PCDH9: variants seen among roughly 807,000 people sequenced by gnomAD.
PCDH9 encodes protocadherin-9.
Under a neutral mutation model 70.6 loss-of-function variants are expected in PCDH9, and 24 were observed. The observed-to-expected ratio is 0.34, with a 90% CI of 0.25 to 0.48. The LOEUF (loss-of-function observed/expected upper bound fraction) is 0.48, where lower values mean the gene tolerates loss of function less well. Ranked by LOEUF, PCDH9 falls within the 20% of genes least tolerant of loss-of-function variation. The probability of loss-of-function intolerance (pLI) is 0.99; values close to 1 mark genes in which losing one functional copy is unlikely to be tolerated. For missense variants in PCDH9, 1,281 were observed against 1,503.6 expected, an observed-to-expected ratio of 0.85 and a Z score of 2.45; for synonymous variants, 562 against 558.5, an observed-to-expected ratio of 1.01 and a Z score of -0.09.
intron 3 of PCDH9, among the ~76,000 whole-genome samples, chr13:66,740,813 G>C (rs1474738863): frequency 1.3e-5 from 2 of 148,272 alleles, no homozygotes; most frequent in Non-Finnish European, 3.0e-5. Context: ...TCTCTGAATA[G>C]ACCAATAACA....
intron 4 of PCDH9, among the ~76,000 whole-genome samples, chr13:66,340,775 A>G (rs1302803545): frequency 6.6e-6 from 1 of 152,194 alleles, no homozygotes; most frequent in African/African-American, 2.4e-5. Flanking sequence ...CTGTGTGATG[A>G]TCCAACGTAT....
Position 66,649,054 on chromosome 13 carries a change from T to C in PCDH9, c.3139-17643A>G, listed in dbSNP as rs190064896. 6.6e-5 allele frequency among the ~76,000 whole-genome samples: 10 copies of C among 152,198 alleles called. No individual in the cohort carries two copies. In the East Asian group the frequency reaches 1.6e-3, roughly 24 times the overall value. On this transcript the variant is annotated intron_variant, in intron 3 of 4. Transcript: ENST00000377865. Reference sequence around the variant, plus strand: ...TGAATAAAAAAGATTGAAGCCTTCCTACAAGATCTAGAAAATGGCCTAAAA... The same window carrying C: ...TGAATAAAAAAGATTGAAGCCTTCCCACAAGATCTAGAAAATGGCCTAAAA...
At chr13:66,942,576 T>C (rs1461847431) in intron 2 of PCDH9, among the ~76,000 whole-genome samples, 5 of 152,006 alleles carry the variant, frequency 3.3e-5, no homozygotes, top group Non-Finnish European at 5.9e-5. Context: ...ATCAAAGTTT[T>C]AAGGAATTGT....
At position 66,304,600 on chromosome 13, in the gene PCDH9, C is replaced by T. The variant is rs1193753114; in HGVS notation, c.*55G>A. The T allele has an allele frequency of 1.8e-5, 25 of 1,413,172 alleles. No homozygotes were observed. Among genetic ancestry groups the T allele is most frequent in the African/African-American group, 2.8e-5 (2 of 70,732 alleles). The allele number at this position is 1,413,172 out of a possible 1,614,324, so 87.5% of individuals were successfully genotyped here. Reference sequence around the variant, plus strand: ...ATCTATTGAATACATAAAGCTCTGACGCACACGGTATTAGCATGTCTATTT... The same window carrying T: ...ATCTATTGAATACATAAAGCTCTGATGCACACGGTATTAGCATGTCTATTT... On this transcript the variant is annotated 3_prime_UTR_variant, in exon 5 of 5. Coordinates refer to ENST00000377865, the MANE Select transcript of PCDH9 (RefSeq NM_203487.3).
intron 4 of PCDH9, among the ~76,000 whole-genome samples, chr13:66,507,275 T>G (rs951073310): frequency 6.6e-6 from 1 of 152,220 alleles, no homozygotes; most frequent in African/African-American, 2.4e-5. Flanking sequence ...AAGTTCAAAC[T>G]GTCTGAAGCT....
intron 4 of PCDH9, among the ~76,000 whole-genome samples, chr13:66,614,338 A>G (rs2077330024): frequency 6.6e-6 from 1 of 152,228 alleles, no homozygotes; most frequent in African/African-American, 2.4e-5. Context: ...TATTGACTAA[A>G]TTCAAAAAAG....
chr13:66,729,377 T>C (rs2079043547), intron 3 of PCDH9, among the ~76,000 whole-genome samples: 1 of 152,202 alleles, frequency 6.6e-6, no homozygotes, highest in Non-Finnish European at 1.5e-5. Flanking sequence ...TCCTGACTTT[T>C]AGTCATGTGC....
intron 4 of PCDH9, among the ~76,000 whole-genome samples, chr13:66,353,429 A>T (rs1235208146): frequency 6.6e-6 from 1 of 152,190 alleles, no homozygotes; most frequent in Admixed American, 6.5e-5. Context: ...GTATCTGTGG[A>T]TGTTAAAAAT....
intron 2 of PCDH9, among the ~76,000 whole-genome samples, chr13:66,949,845 C>T (rs183917774): frequency 1.4e-4 from 21 of 151,908 alleles, no homozygotes; most frequent in Admixed American, 9.8e-4. Context: ...ATTCCAGTTC[C>T]GAGTAAATGG....
chr13:67,131,019 T>G (rs1171496188), intron 2 of PCDH9, among the ~76,000 whole-genome samples: 3 of 152,050 alleles, frequency 2.0e-5, no homozygotes, highest in Non-Finnish European at 4.4e-5. Context: ...GTGAGAAAAC[T>G]GAAGATATTA....
intron 3 of PCDH9, among the ~76,000 whole-genome samples, chr13:66,684,793 T>C (rs2078376856): frequency 6.6e-6 from 1 of 152,130 alleles, no homozygotes; most frequent in Admixed American, 6.5e-5. Context: ...CTAAAGATAC[T>C]TGAAAATGTG....
At chr13:66,421,737 T>C (rs2138350657) in intron 4 of PCDH9, among the ~76,000 whole-genome samples, 1 of 152,232 alleles carries the variant, frequency 6.6e-6, no homozygotes, top group South Asian at 2.1e-4. Context: ...ATTGACACTA[T>C]GAAGAAACTG....
At chr13:66,765,777 G>T (rs1222344285) in intron 3 of PCDH9, among the ~76,000 whole-genome samples, 2 of 152,050 alleles carry the variant, frequency 1.3e-5, no homozygotes, top group African/African-American at 4.8e-5. Context: ...TATGTTTAGT[G>T]TTTAGCTGTG....
Position 67,032,477 on chromosome 13 carries a change from G to A in PCDH9, c.3037-128872C>T, listed in dbSNP as rs17791050. Among the ~76,000 whole-genome samples the A allele has an allele frequency of 4.6e-5, 7 of 152,000 alleles. No homozygotes were observed. The East Asian group carries it at 7.8e-4, about 17-fold the overall frequency. On this transcript the variant is annotated intron_variant, in intron 2 of 4. Coordinates refer to ENST00000377865, the MANE Select transcript of PCDH9 (RefSeq NM_203487.3). ...CAGTGCCCGGTCAACATCACTCTTC[G>A]TAAGAACAATTTATTAAACAAATAA...
chr13:66,836,644 C>A (rs2081024712), intron 3 of PCDH9, among the ~76,000 whole-genome samples: 2 of 152,068 alleles, frequency 1.3e-5, no homozygotes, highest in Admixed American at 1.3e-4. Flanking sequence ...TGTTTGAAAC[C>A]AGAAATGCCA....
rs116048619 is a variant in PCDH9, at chr13:66,746,088, C to T, written c.3139-114677G>A. Among the ~76,000 whole-genome samples the T allele has an allele frequency of 7.1e-3, 1,076 of 152,298 alleles. 15 individuals are homozygous for T. Among genetic ancestry groups the T allele is most frequent in the African/African-American group, 0.025 (1,021 of 41,568 alleles). ...TTAAGTCATTTTTTAATTTCACTCTCTCTCCATTCACTTGGCATTACCTGT... is the reference window on the plus strand; with the variant it reads ...TTAAGTCATTTTTTAATTTCACTCTTTCTCCATTCACTTGGCATTACCTGT... On this transcript the variant is annotated intron_variant, in intron 3 of 4. Transcript: ENST00000377865.
chr13:66,925,296 C>T (rs2082699575), intron 2 of PCDH9, among the ~76,000 whole-genome samples: 1 of 148,920 alleles, frequency 6.7e-6, no homozygotes, highest in Non-Finnish European at 1.5e-5. Context: ...CTTACTTCCC[C>T]ATGTTCAGCA....
At chr13:66,330,376 G>T (rs1458766831) in intron 4 of PCDH9, among the ~76,000 whole-genome samples, 1 of 152,220 alleles carries the variant, frequency 6.6e-6, no homozygotes, top group Admixed American at 6.5e-5. Flanking sequence ...GTCTATACAA[G>T]TGTCTGTCTC....
chr13:67,166,387 G>A lies in PCDH9; in HGVS notation c.3036+59018C>T, dbSNP rs375763671. 1.1e-4 allele frequency among the ~76,000 whole-genome samples: 17 copies of A among 152,208 alleles called. No homozygotes were observed. The South Asian group carries it at 1.7e-3, about 15-fold the overall frequency. On this transcript the variant is annotated intron_variant, in intron 2 of 4. Transcript: ENST00000377865. ...CTGAATTCATAAAATCCTTTTGATC[G>A]GAAGCCTGATTTCACTACATGATAC...
Sources: allele counts gnomAD v4.1 joint callset (sites outside exome capture counted in the v4.1 genomes callset), GRCh38; gene constraint gnomAD v4.1.1; transcripts MANE v1.5; gene names NCBI Gene and HGNC (gene_info 2026-07-23, HGNC 2026-07-21).